HNF1B: variants seen among roughly 807,000 people sequenced by gnomAD.
The protein encoded by HNF1B is hepatocyte nuclear factor 1-beta.
HNF1B carries 8 observed loss-of-function variants against 61.7 expected under a neutral mutation model. That is an observed-to-expected ratio of 0.13 (90% CI 0.08 to 0.23). The LOEUF (loss-of-function observed/expected upper bound fraction) is 0.23. Ranked by LOEUF, HNF1B falls within the 10% of genes least tolerant of loss-of-function variation. The pLI is 1.00. For synonymous variants in HNF1B, 314 were observed against 287.7 expected, an observed-to-expected ratio of 1.09 and a Z score of -0.93; for missense variants, 562 against 714.5, an observed-to-expected ratio of 0.79 and a Z score of 2.43.
chr17:37,728,320 T>C (rs2147531170), intron 4 of HNF1B, among the ~76,000 whole-genome samples: 1 of 151,844 alleles, frequency 6.6e-6, no homozygotes, highest in African/African-American at 2.4e-5. Context: ...GTTTTTTTTT[T>C]TTTTGAGACG....
At chr17:37,739,686 G>A (rs373754835) in intron 1 of HNF1B, 47 bp from the exon 2 acceptor site, 28 of 1,477,068 alleles carry the variant, frequency 1.9e-5, no homozygotes, top group Non-Finnish European at 2.5e-5. Context: ...AGACATCTGG[G>A]GAGAAACATT....
chr17:37,699,334 A>G, intron 7 of HNF1B, 140 bp from the exon 8 acceptor site: 1 of 736,748 alleles, frequency 1.4e-6, no homozygotes, highest in Non-Finnish European at 2.5e-6. Context: ...TTCTCATATT[A>G]GTTATCCATA....
chr17:37,726,649 G>T (rs560333904), intron 4 of HNF1B, among the ~76,000 whole-genome samples: 1 of 152,184 alleles, frequency 6.6e-6, no homozygotes. Flanking sequence ...GGGGATGAGC[G>T]AGAGGCAGGA....
intron 2 of HNF1B, among the ~76,000 whole-genome samples, chr17:37,734,424 A>G (rs1000102235): frequency 1.3e-5 from 2 of 152,250 alleles, no homozygotes; most frequent in African/African-American, 2.4e-5. Context: ...TTCAAAGACT[A>G]CAAACACAGG....
chr17:37,700,262 G>T (rs1359236120), intron 7 of HNF1B, among the ~76,000 whole-genome samples: 3 of 152,242 alleles, frequency 2.0e-5, no homozygotes, highest in Non-Finnish European at 2.9e-5. Flanking sequence ...CTGGCCAGAG[G>T]ATTGGAAGCC....
intron 8 of HNF1B, among the ~76,000 whole-genome samples, chr17:37,695,084 G>A (rs2032339864): frequency 6.6e-6 from 1 of 152,160 alleles, no homozygotes; most frequent in Admixed American, 6.5e-5. Flanking sequence ...CATCTTCTAG[G>A]CAGCCCCTCC....
Position 37,733,571 on chromosome 17 carries a change from C to T in HNF1B, c.795G>A (p.Val265=). The T allele has an allele frequency of 6.2e-7, 1 of 1,614,142 alleles. No individual in the cohort carries two copies. Among genetic ancestry groups the T allele is most frequent in the South Asian group, 1.1e-5 (1 of 91,074 alleles). The part of the protein sequence containing the change: ...NPSKEEREAL[V]EECNRAECLQ... ...GGTGGTGTTACCTGTTGCATTCCTC[C>T]ACTAAGGCCTCTCTCTCTTCCTTGC... Residue 265 remains valine, a synonymous_variant, in exon 3 of 9, where the codon GTG becomes GTA. Transcript: ENST00000617811.
intron 2 of HNF1B, among the ~76,000 whole-genome samples, chr17:37,736,167 G>A (rs1002995411): frequency 6.6e-6 from 1 of 152,242 alleles, no homozygotes; most frequent in African/African-American, 2.4e-5. Flanking sequence ...GGGGGAGAAG[G>A]AGATGTCCCC....
chr17:37,695,918 G>A (rs1271911848), intron 8 of HNF1B, among the ~76,000 whole-genome samples: 1 of 152,166 alleles, frequency 6.6e-6, no homozygotes, highest in Non-Finnish European at 1.5e-5. Context: ...GCTGTAATGA[G>A]TTAAGACTTT....
In HNF1B at chr17:37,745,045, A is replaced by T; in HGVS notation, c.-161T>A. The T allele has an allele frequency of 3.1e-6, 2 of 641,928 alleles. No homozygotes were observed. The highest frequency in any genetic ancestry group is 5.4e-6 in the Non-Finnish European group (2 of 367,348). 39.8% of individuals were successfully genotyped at this position (641,928 alleles called of 1,614,324 possible). The stretch of plus-strand genomic sequence containing the variant: ...GGGTCCCGGAGGCTCCTCCGAAAGG[A>T]GTCAGAAAACTTCTAACTTGCCATG... On this transcript the variant is annotated 5_prime_UTR_variant, in exon 1 of 9. Transcript: ENST00000617811.
intron 4 of HNF1B, among the ~76,000 whole-genome samples, chr17:37,712,728 T>C (rs1203700279): frequency 6.6e-6 from 1 of 152,244 alleles, no homozygotes; most frequent in Non-Finnish European, 1.5e-5. Flanking sequence ...ACTTTCCCTC[T>C]CTGTGCCTTT....
intron 5 of HNF1B, among the ~76,000 whole-genome samples, chr17:37,708,631 C>A (rs1305504797): frequency 2.6e-5 from 4 of 152,144 alleles, no homozygotes; most frequent in Non-Finnish European, 4.4e-5. Flanking sequence ...CCTGGGTAAT[C>A]CTTAACCCTA....
intron 5 of HNF1B, among the ~76,000 whole-genome samples, chr17:37,707,717 T>C (rs2032797039): frequency 1.3e-5 from 2 of 152,086 alleles, no homozygotes; most frequent in Admixed American, 1.3e-4. Context: ...CATTAGGACA[T>C]ACTGCTTGAT....
rs1489207973 is a variant in HNF1B, at chr17:37,744,608, T to G, written c.277A>C (p.Lys93Gln). The G allele has an allele frequency of 4.3e-6, 7 of 1,609,794 alleles. No individual in the cohort carries two copies. The highest frequency in any genetic ancestry group is 5.9e-6 in the Non-Finnish European group (7 of 1,179,940). ...GDDYDTPPILKELQALNTEEA... is the reference protein window; with the variant it reads ...GDDYDTPPILQELQALNTEEA... Reference sequence around the variant, plus strand: ...TCGGTGTTGAGCGCCTGCAGCTCCTTGAGGATGGGAGGTGTGTCATAGTCG... The same window carrying G: ...TCGGTGTTGAGCGCCTGCAGCTCCTGGAGGATGGGAGGTGTGTCATAGTCG... Residue 93 changes from lysine (K) to glutamine (Q), a missense_variant, in exon 1 of 9, where the codon AAG (lysine) becomes CAG (glutamine). Lys to Gln is a moderately conservative substitution (Grantham distance 53). Coordinates refer to ENST00000617811, the MANE Select transcript of HNF1B (RefSeq NM_000458.4).
At chr17:37,699,035 C>A in intron 8 of HNF1B, 41 bp downstream of exon 8, 1 of 1,441,534 alleles carries the variant, frequency 6.9e-7, no homozygotes, top group Non-Finnish European at 9.8e-7. Flanking sequence ...CTTATCACAC[C>A]CTGCCCACAC....
intron 1 of HNF1B, among the ~76,000 whole-genome samples, chr17:37,743,922 G>T (rs949352545): frequency 6.6e-6 from 1 of 152,252 alleles, no homozygotes; most frequent in Non-Finnish European, 1.5e-5. Context: ...ACCCTGCATG[G>T]AACATGCCCT....
intron 6 of HNF1B, among the ~76,000 whole-genome samples, chr17:37,701,757 G>A (rs1287999321): frequency 1.3e-5 from 2 of 152,198 alleles, no homozygotes; most frequent in Non-Finnish European, 2.9e-5. Flanking sequence ...TAACAGAGAG[G>A]GGAGAAAACA....
At chr17:37,712,929 A>G (rs939959215) in intron 4 of HNF1B, among the ~76,000 whole-genome samples, 2 of 152,220 alleles carry the variant, frequency 1.3e-5, no homozygotes, top group Non-Finnish European at 2.9e-5. Context: ...TAGATGGCTT[A>G]GGACAGATTC....
rs946343522 is a variant in HNF1B at position 37,733,902 on chromosome 17, C to T, written c.545-81G>A. Reference sequence around the variant, plus strand: ...GACAGACAGACAGACAGACAACGGACGAAGACACCTTTATTCCCCTCGTCT... The same window carrying T: ...GACAGACAGACAGACAGACAACGGATGAAGACACCTTTATTCCCCTCGTCT... On this transcript the variant is annotated intron_variant, in intron 2 of 8. Coordinates refer to ENST00000617811, the MANE Select transcript of HNF1B (RefSeq NM_000458.4). 19 of 1,493,536 alleles carry T rather than the reference C, an allele frequency of 1.3e-5. No homozygotes were observed. In the East Asian group the frequency reaches 1.8e-4, roughly 14 times the overall value. 92.5% of individuals were successfully genotyped at this position (1,493,536 alleles called of 1,614,324 possible).
Sources: gnomAD v4.1 joint callset for allele counts (sites outside exome capture counted in the v4.1 genomes callset) on GRCh38, gnomAD v4.1.1 for gene constraint, MANE v1.5 for transcripts, NCBI Gene and HGNC (gene_info 2026-07-23, HGNC 2026-07-21) for gene names.